Variants in LCA5L observed in about 807,000 individuals in gnomAD.
The protein encoded by LCA5L is lebercilin-like protein.
Under a neutral mutation model 45.4 loss-of-function variants are expected in LCA5L, and 35 were observed. That is an observed-to-expected ratio of 0.77 (90% CI 0.59 to 1.02). The LOEUF (loss-of-function observed/expected upper bound fraction) is 1.02. Among genes scored for constraint, LCA5L ranks in the 50% least tolerant of loss-of-function variants. The pLI is 0.00. For missense variants in LCA5L, 668 were observed against 761.6 expected, an observed-to-expected ratio of 0.88 and a Z score of 1.45; for synonymous variants, 233 against 264.7, an observed-to-expected ratio of 0.88 and a Z score of 1.16.
intron 3 of LCA5L, among the ~76,000 whole-genome samples, chr21:39,430,122 C>G (rs1296916088): frequency 1.3e-5 from 2 of 152,190 alleles, no homozygotes; most frequent in Non-Finnish European, 2.9e-5. Context: ...GCCCTCATAG[C>G]CTTGCCTGTC....
At position 39,409,108 on chromosome 21, in the gene LCA5L, G is replaced by T. The variant is rs1250441830; in HGVS notation, c.1282+871C>A. Among the ~76,000 whole-genome samples the T allele has an allele frequency of 6.6e-6, 1 of 152,124 alleles. No individual in the cohort carries two copies. The highest frequency in any genetic ancestry group is 1.5e-5 in the Non-Finnish European group (1 of 68,022). The stretch of plus-strand genomic sequence containing the variant: ...GGTTAAATGAGATCACAAGGTTGGG[G>T]CCTTCATGACGGAATTAGTGTCCTT... On this transcript the variant is annotated intron_variant, in intron 10 of 10. Transcript: ENST00000288350. This position sits in a 1 kb window ranked among gnomAD's most constrained non-coding sequence, Gnocchi z 4.2.
intron 7 of LCA5L, among the ~76,000 whole-genome samples, chr21:39,417,573 C>T (rs1271354708): frequency 1.3e-5 from 2 of 151,970 alleles, no homozygotes; most frequent in Non-Finnish European, 2.9e-5. Context: ...TTTCAGGCTG[C>T]TGATAAAGAC....
Position 39,405,932 on chromosome 21 carries a change from A to G in LCA5L, c.1963T>C (p.Ser655Pro). ...TCTGTAGGTGACGATGGCTTAATAGAATTTACCACAGTTACTTTAGAGTCT... is the reference window on the plus strand; with the variant it reads ...TCTGTAGGTGACGATGGCTTAATAGGATTTACCACAGTTACTTTAGAGTCT... ...FGDSKVTVVN[S>P]IKPSSPTEGK... The change falls in exon 11 of 11, where the codon TCT becomes CCT. Residue 655 changes from serine to proline, a missense_variant. Ser to Pro is a moderately conservative substitution (Grantham distance 74). Transcript: ENST00000288350. The G allele has an allele frequency of 6.2e-7, 1 of 1,611,902 alleles. No individual in the cohort carries two copies. Among genetic ancestry groups the G allele is most frequent in the East Asian group, 2.2e-5 (1 of 44,858 alleles).
chr21:39,425,119 C>T (rs185435087), intron 5 of LCA5L, among the ~76,000 whole-genome samples: 23 of 152,230 alleles, frequency 1.5e-4, no homozygotes, highest in Admixed American at 1.2e-3. Flanking sequence ...TATCTAGATT[C>T]GGAGAAGGAG....
At chr21:39,410,454 T>C in intron 8 of LCA5L, 87 bp from the exon 9 acceptor site, 2 of 690,528 alleles carry the variant, frequency 2.9e-6, no homozygotes, top group East Asian at 2.8e-5. Context: ...TTTTATGCAA[T>C]GTAATAATAA....
At chr21:39,419,030 C>G (rs114772476) in intron 7 of LCA5L, among the ~76,000 whole-genome samples, 2 of 152,000 alleles carry the variant, frequency 1.3e-5, no homozygotes, top group East Asian at 3.9e-4. Context: ...AAAAGGAACT[C>G]TTTTTTCTTC....
At chr21:39,432,159 G>A (rs1189970279) in intron 3 of LCA5L, among the ~76,000 whole-genome samples, 1 of 152,142 alleles carries the variant, frequency 6.6e-6, no homozygotes, top group African/African-American at 2.4e-5. Flanking sequence ...TAAGATCAGT[G>A]TATAAACTGA....
At chr21:39,428,554 A>G in intron 4 of LCA5L, 51 bp from the exon 5 acceptor site, 1 of 600,188 alleles carries the variant, frequency 1.7e-6, no homozygotes. Flanking sequence ...ATTTATTGAC[A>G]TTAAAATGAA....
At chr21:39,416,803 G>GT (rs977165040) in intron 7 of LCA5L, among the ~76,000 whole-genome samples, 18 of 152,096 alleles carry the variant, frequency 1.2e-4, no homozygotes, top group Non-Finnish European at 2.4e-4. Flanking sequence ...ACTAAACAGT[G>GT]TAAGATTTTT....
intron 4 of LCA5L, 95 bp from the exon 5 acceptor site, chr21:39,428,598 A>ATATATATATATATAT (rs1242243392): frequency 3.1e-5 from 1 of 32,034 alleles, no homozygotes; most frequent in African/African-American, 1.0e-4. Flanking sequence ...ATATATATAT[A>ATATATATATATATAT]TTTTTTTTTT....
At chr21:39,424,125 GCC>G (rs2074229146) in intron 5 of LCA5L, among the ~76,000 whole-genome samples, 1 of 152,006 alleles carries the variant, frequency 6.6e-6, no homozygotes, top group Non-Finnish European at 1.5e-5. Context: ...CGATTCTCCT[GCC>G]TCAGCCTCCC....
rs1375093670 is a variant in LCA5L at position 39,428,241 on chromosome 21, A to G, written c.253T>C (p.Leu85=). Residue 85 remains leucine, a synonymous_variant, in exon 5 of 11, where the codon TTA becomes CTA. Transcript: ENST00000288350. ...TTTTCTTTTACCACAGGCTGCTTTA[A>G]ATAATTTCTATTAATAGCCTTTTCT... ...CSEKAINRNY[L]KQPVVKEKEK... is the part of the protein sequence containing the mutation. 1 of 1,605,602 alleles carries G rather than the reference A, an allele frequency of 6.2e-7. No homozygotes were observed. Among genetic ancestry groups the G allele is most frequent in the Admixed American group, 1.7e-5 (1 of 59,868 alleles).
At chr21:39,422,668 A>G (rs957615149) in intron 6 of LCA5L, 101 of 437,226 alleles carry the variant, frequency 2.3e-4, no homozygotes, top group Middle Eastern at 1.8e-3. Flanking sequence ...CAGCACAGGG[A>G]AAAAGTCCCT....
At chr21:39,426,286 G>A (rs754024040) in intron 5 of LCA5L, among the ~76,000 whole-genome samples, 1 of 152,118 alleles carries the variant, frequency 6.6e-6, no homozygotes, top group Non-Finnish European at 1.5e-5. Context: ...CTTGATGGAG[G>A]AATATATACT....
intron 2 of LCA5L, among the ~76,000 whole-genome samples, chr21:39,440,476 C>T (rs1473484792): frequency 2.0e-5 from 3 of 151,980 alleles, no homozygotes; most frequent in African/African-American, 4.8e-5. Flanking sequence ...GCTGAGGCTG[C>T]AGTGAATTTG....
chr21:39,442,708 T>C (rs1335942545), intron 2 of LCA5L, among the ~76,000 whole-genome samples: 1 of 151,682 alleles, frequency 6.6e-6, no homozygotes, highest in Non-Finnish European at 1.5e-5. Context: ...GGTTGGGAAG[T>C]GGGGTTGTTT....
At chr21:39,407,787 T>A (rs987973224) in intron 10 of LCA5L, 5 of 152,200 alleles carry the variant, frequency 3.3e-5, no homozygotes, top group African/African-American at 9.7e-5. Context: ...TGGATACACT[T>A]TCTAGGACAC....
intron 2 of LCA5L, among the ~76,000 whole-genome samples, chr21:39,440,537 A>G (rs1330209407): frequency 6.6e-6 from 1 of 152,154 alleles, no homozygotes; most frequent in Non-Finnish European, 1.5e-5. Context: ...CCCTGTCTCA[A>G]AAAAAAACAA....
At chr21:39,425,607 G>A (rs1270059397) in intron 5 of LCA5L, among the ~76,000 whole-genome samples, 6 of 152,116 alleles carry the variant, frequency 3.9e-5, no homozygotes, top group South Asian at 4.1e-4. Flanking sequence ...TGTTGAGGCC[G>A]TACACTTTAA....
Sources: gnomAD v4.1 joint callset for allele counts (sites outside exome capture counted in the v4.1 genomes callset) on GRCh38, gnomAD v4.1.1 for gene constraint, Gnocchi (gnomAD v3.1) non-coding constraint, MANE v1.5 for transcripts, NCBI Gene and HGNC (gene_info 2026-07-23, HGNC 2026-07-21) for gene names.